Variants in SLC4A7 observed in about 807,000 individuals in gnomAD.
SLC4A7 encodes the protein sodium bicarbonate cotransporter 3.
Under a neutral mutation model 137.6 loss-of-function variants are expected in SLC4A7, and 51 were observed. The ratio of observed to expected loss-of-function variants is 0.37; its 90% CI spans 0.30 to 0.47. The LOEUF (loss-of-function observed/expected upper bound fraction) is 0.47, where lower values mean the gene tolerates loss of function less well. SLC4A7 is among the 20% of genes least tolerant of loss of function. The pLI is 1.00. For missense variants in SLC4A7, 1,247 were observed against 1,525.4 expected (o/e 0.82, Z 3.04); for synonymous variants, 542 against 518.6 (o/e 1.05, Z -0.61).
At chr3:27,400,398 A>G (rs568489493) in intron 16 of SLC4A7, among the ~76,000 whole-genome samples, 1 of 152,338 alleles carries the variant, frequency 6.6e-6, no homozygotes, top group Non-Finnish European at 1.5e-5. Context: ...AAGGCAGGAC[A>G]AGTGGATATA....
chr3:27,426,427 A>C (rs572632945), intron 7 of SLC4A7, among the ~76,000 whole-genome samples: 1 of 152,306 alleles, frequency 6.6e-6, no homozygotes, highest in African/African-American at 2.4e-5. Context: ...CTTCCACACA[A>C]GAAAACTGAG....
At chr3:27,397,997 C>T in intron 17 of SLC4A7, 195 bp downstream of exon 17, 1 of 610,148 alleles carries the variant, frequency 1.6e-6, no homozygotes, top group African/African-American at 1.9e-5. Context: ...AACCTAGCAA[C>T]TCTTATGGTA....
chr3:27,449,231 C>T (rs2057897790), intron 2 of SLC4A7, among the ~76,000 whole-genome samples: 1 of 151,724 alleles, frequency 6.6e-6, no homozygotes, highest in South Asian at 2.1e-4. Context: ...AAGAGCTTAG[C>T]CCATCTGAGA....
At chr3:27,433,779 A>C (rs1235226825) in intron 6 of SLC4A7, 137 bp downstream of exon 6, 4 of 686,842 alleles carry the variant, frequency 5.8e-6, no homozygotes, top group Non-Finnish European at 9.9e-6. Flanking sequence ...CCTTGAAAAG[A>C]AACAAAGCAG....
Position 27,431,549 on chromosome 3 carries a change from G to C in SLC4A7, c.899C>G (p.Ala300Gly). 2 of 1,614,146 alleles carry C rather than the reference G, an allele frequency of 1.2e-6. No individual in the cohort carries two copies. Among genetic ancestry groups the C allele is most frequent in the Middle Eastern group, 1.6e-4 (1 of 6,062 alleles). ...LLGHLLPSSR[A>G]GTPAGSRCTT... ...ACACCTTGAGCCTGCAGGGGTTCCA[G>C]CTCTTGAAGAAGGAAGAAGATGACC... The change falls in exon 7 of 26, where the codon GCT (alanine) becomes GGT (glycine). Residue 300 changes from alanine to glycine, a missense_variant. Coordinates refer to ENST00000454389, the MANE Select transcript of SLC4A7 (RefSeq NM_001321103.2).
chr3:27,447,144 C>A (rs936810241), intron 3 of SLC4A7, among the ~76,000 whole-genome samples: 7 of 151,786 alleles, frequency 4.6e-5, no homozygotes, highest in Admixed American at 1.3e-4. Context: ...CCTCAGCCTC[C>A]CAAAGTACTG....
chr3:27,397,622 A>T (rs572492377), intron 18 of SLC4A7, 62 bp downstream of exon 18: 1 of 773,748 alleles, frequency 1.3e-6, no homozygotes, highest in African/African-American at 1.7e-5. Flanking sequence ...AGAAAATAGT[A>T]TCTTGCTTTA....
At chr3:27,457,343 T>C (rs963179584) in intron 1 of SLC4A7, among the ~76,000 whole-genome samples, 1 of 152,196 alleles carries the variant, frequency 6.6e-6, no homozygotes, top group Non-Finnish European at 1.5e-5. Flanking sequence ...ACCTCTGTTT[T>C]ACATTTTTAC....
chr3:27,426,090 T>C (rs2055584422), intron 7 of SLC4A7, among the ~76,000 whole-genome samples: 1 of 152,228 alleles, frequency 6.6e-6, no homozygotes, highest in South Asian at 2.1e-4. Flanking sequence ...CAATGAATAC[T>C]GAAACTAAGT....
At chr3:27,417,891 A>C (rs2054549481) in intron 11 of SLC4A7, among the ~76,000 whole-genome samples, 1 of 152,214 alleles carries the variant, frequency 6.6e-6, no homozygotes, top group Admixed American at 6.5e-5. Flanking sequence ...TTCATACATC[A>C]CTGCAGGAGT....
chr3:27,379,223 G>C, intron 25 of SLC4A7, 26 bp downstream of exon 25: 1 of 1,307,984 alleles, frequency 7.6e-7, no homozygotes, highest in African/African-American at 1.5e-5. Context: ...GCTACAGTTA[G>C]AAAACACACA....
intron 11 of SLC4A7, among the ~76,000 whole-genome samples, chr3:27,415,525 C>T (rs2054299718): frequency 6.6e-6 from 1 of 152,138 alleles, no homozygotes; most frequent in Admixed American, 6.5e-5. Context: ...GCATTATTTC[C>T]AGAACAGAGT....
intron 15 of SLC4A7, among the ~76,000 whole-genome samples, chr3:27,401,591 G>A (rs987271071): frequency 2.0e-5 from 3 of 152,170 alleles, no homozygotes; most frequent in Non-Finnish European, 2.9e-5. Context: ...GTAGATGACT[G>A]ACCTCCAAGT....
chr3:27,409,353 C>T lies in SLC4A7; in HGVS notation c.1941+3G>A, dbSNP rs371877296. Reference sequence around the variant, plus strand: ...CCTGGCCACTACCAATCTTTGTACTCACTATTCTGCCTTCTGTAGCTTCTC... The same window carrying T: ...CCTGGCCACTACCAATCTTTGTACTTACTATTCTGCCTTCTGTAGCTTCTC... On this transcript the variant is annotated splice_donor_region_variant and intron_variant, in intron 13 of 25. Coordinates refer to ENST00000454389, the MANE Select transcript of SLC4A7 (RefSeq NM_001321103.2). 6.2e-6 allele frequency: 10 copies of T among 1,600,256 alleles called. No homozygotes were observed. The highest frequency in any genetic ancestry group is 8.5e-6 in the Non-Finnish European group (10 of 1,175,136).
chr3:27,439,326 AC>A (rs536230893), intron 3 of SLC4A7, among the ~76,000 whole-genome samples: 360 of 152,318 alleles, frequency 2.4e-3, no homozygotes, highest in Non-Finnish European at 4.0e-3. Context: ...CATATAAAAA[AC>A]ATATCTGAAA....
intron 20 of SLC4A7, among the ~76,000 whole-genome samples, chr3:27,393,266 G>GAA (rs773396060): frequency 4.6e-5 from 7 of 152,108 alleles, no homozygotes; most frequent in African/African-American, 7.2e-5. Flanking sequence ...CTTAAAGAGG[G>GAA]AAAAGGTCTC....
At chr3:27,476,693 C>A (rs2059472977) in intron 1 of SLC4A7, among the ~76,000 whole-genome samples, 1 of 152,134 alleles carries the variant, frequency 6.6e-6, no homozygotes, top group African/African-American at 2.4e-5. Context: ...ACTTCTCTCT[C>A]TCCTACTGCC....
Position 27,474,997 on chromosome 3 carries a change from C to A in SLC4A7, c.60+9070G>T, listed in dbSNP as rs371714251. Among the ~76,000 whole-genome samples the A allele has an allele frequency of 3.3e-5, 5 of 152,224 alleles. No individual in the cohort carries two copies. In the South Asian group the frequency reaches 1.0e-3, roughly 32 times the overall value. ...TGATGGCGCACGCCTGTGATCCTAG[C>A]TACTTGGGAGGCCAAGGCAGGACAA... is the stretch of plus-strand genomic sequence containing the variant. On this transcript the variant is annotated intron_variant, in intron 1 of 25. Transcript: ENST00000454389.
intron 1 of SLC4A7, among the ~76,000 whole-genome samples, chr3:27,473,252 T>C (rs1372859394): frequency 6.6e-6 from 1 of 152,030 alleles, no homozygotes; most frequent in Non-Finnish European, 1.5e-5. Flanking sequence ...TGCACTATGA[T>C]TATGCCTGTG....
Sources: gnomAD v4.1 joint callset for allele counts (sites outside exome capture counted in the v4.1 genomes callset) on GRCh38, gnomAD v4.1.1 for gene constraint, MANE v1.5 for transcripts, NCBI Gene and HGNC (gene_info 2026-07-23, HGNC 2026-07-21) for gene names.